CEP162: variants seen among roughly 807,000 people sequenced by gnomAD.
The protein encoded by CEP162 is centrosomal protein of 162 kDa.
In CEP162, 141 loss-of-function variants were observed where a neutral mutation model predicts 169.2. The observed-to-expected ratio is 0.83, with a 90% CI of 0.73 to 0.96. CEP162 has a LOEUF of 0.96. CEP162 is among the 40% of genes least tolerant of loss of function. CEP162 has a pLI of 0.00. For synonymous variants in CEP162, 540 were observed against 526.4 expected, an observed-to-expected ratio of 1.03 and a Z score of -0.35; for missense variants, 1,600 against 1,587.2, an observed-to-expected ratio of 1.01 and a Z score of -0.14.
intron 26 of CEP162, among the ~76,000 whole-genome samples, 183 bp downstream of exon 26, chr6:84,126,195 G>A (rs993588552): frequency 6.6e-6 from 1 of 151,904 alleles, no homozygotes; most frequent in Non-Finnish European, 1.5e-5. Flanking sequence ...CAATCTTCAA[G>A]CACTTGAGAT....
chr6:84,174,893 T>C lies in CEP162; in HGVS notation c.1859A>G (p.Gln620Arg). The C allele has an allele frequency of 1.2e-6, 2 of 1,611,776 alleles. No individual in the cohort carries two copies. The highest frequency in any genetic ancestry group is 1.7e-6 in the Non-Finnish European group (2 of 1,178,914). Residue 620 changes from glutamine to arginine, a missense_variant, in exon 15 of 27, where the codon CAG becomes CGG. Physicochemically the swap from Gln to Arg is conservative, Grantham distance 43. Coordinates refer to ENST00000403245, the MANE Select transcript of CEP162 (RefSeq NM_014895.4). ...EKKLLMFKRV[Q>R]EAEDKWRGAQ... ...ACCCCTCCATTTATCCTCTGCTTCC[T>C]GAACTCTTTTAAACATAAGTAATTT...
In CEP162 at chr6:84,152,693, G is replaced by A. The variant is rs759084178; in HGVS notation, c.3481C>T (p.Pro1161Ser). ...PGTLDSKLYQ[P>S]HTFTDSHVSE... is the part of the protein sequence containing the mutation. ...ACATGGGAATCAGTGAAAGTATGTG[G>A]TTGGTACAGCTTGCTGTCCAGGGTT... Residue 1161 changes from proline (P) to serine (S), a missense_variant, in exon 23 of 27, where the codon CCA (proline) becomes TCA (serine). Coordinates refer to ENST00000403245, the MANE Select transcript of CEP162 (RefSeq NM_014895.4). The A allele has an allele frequency of 1.9e-6, 3 of 1,612,850 alleles. No individual in the cohort carries two copies. The highest frequency in any genetic ancestry group is 2.2e-5 in the South Asian group (2 of 90,938).
At chr6:84,185,805 A>G (rs1023512951) in intron 12 of CEP162, among the ~76,000 whole-genome samples, 2 of 152,150 alleles carry the variant, frequency 1.3e-5, no homozygotes, top group Admixed American at 6.5e-5. Context: ...TTTTATTAAT[A>G]CCTTGCCTTA....
Position 84,160,798 on chromosome 6 carries a change from C to A in CEP162, c.2781+14G>T. The stretch of plus-strand genomic sequence containing the variant: ...TATAAAATATGCTCATGAAAATTTA[C>A]CCTGAACACATACTTGTCGCTCCAG... On this transcript the variant is annotated intron_variant, in intron 21 of 26. Transcript: ENST00000403245. The A allele has an allele frequency of 6.6e-7, 1 of 1,510,598 alleles. No individual in the cohort carries two copies. 93.6% of individuals were successfully genotyped at this position (1,510,598 alleles called of 1,614,324 possible).
intron 25 of CEP162, among the ~76,000 whole-genome samples, chr6:84,137,520 A>G (rs1318769895): frequency 6.6e-6 from 1 of 152,172 alleles, no homozygotes; most frequent in Non-Finnish European, 1.5e-5. Context: ...TATATCTTTT[A>G]TAAAATATGC....
chr6:84,198,179 T>C (rs1483130636), intron 9 of CEP162, among the ~76,000 whole-genome samples: 1 of 152,200 alleles, frequency 6.6e-6, no homozygotes, highest in African/African-American at 2.4e-5. Flanking sequence ...TGAAGTGGCA[T>C]GGTAAAACAA....
chr6:84,152,726 A>C lies in CEP162; in HGVS notation c.3448T>G (p.Phe1150Val), dbSNP rs754273399. ...LHSSKGNANS[F>V]PGTLDSKLYQ... ...AGCTTGCTGTCCAGGGTTCCAGGGA[A>C]GGAGTTAGCATTTCCTTTACTTGAG... Residue 1150 changes from phenylalanine (F) to valine (V), a missense_variant, in exon 23 of 27, where the codon TTC becomes GTC. Coordinates refer to ENST00000403245, the MANE Select transcript of CEP162 (RefSeq NM_014895.4). The C allele has an allele frequency of 4.3e-6, 7 of 1,613,238 alleles. No individual in the cohort carries two copies. The South Asian group carries it at 7.7e-5, about 18-fold the overall frequency.
intron 5 of CEP162, among the ~76,000 whole-genome samples, chr6:84,213,966 G>C (rs1339340960): frequency 6.6e-6 from 1 of 152,164 alleles, no homozygotes; most frequent in African/African-American, 2.4e-5. Context: ...GAGCAGGCTT[G>C]TTTCCACTTA....
rs775621962 is a variant in CEP162 at position 84,215,854 on chromosome 6, C to G, written c.241G>C (p.Glu81Gln). Reference sequence around the variant, plus strand: ...AATTGAATCTTTTCAGCAGACTCCTCTTCTATTTCCATAACAGGCTGAGAA... The same window carrying G: ...AATTGAATCTTTTCAGCAGACTCCTGTTCTATTTCCATAACAGGCTGAGAA... ...KTSQPVMEIE[E>Q]ESAEKIQFLK... The change falls in exon 4 of 27, where the codon GAG (glutamate) becomes CAG (glutamine). Residue 81 changes from glutamate to glutamine, a missense_variant. Transcript: ENST00000403245. The G allele has an allele frequency of 6.3e-7, 1 of 1,583,786 alleles. No homozygotes were observed. The highest frequency in any genetic ancestry group is 1.3e-5 in the African/African-American group (1 of 74,552).
At chr6:84,222,571 T>C (rs2099554130) in intron 2 of CEP162, among the ~76,000 whole-genome samples, 1 of 152,230 alleles carries the variant, frequency 6.6e-6, no homozygotes, top group Non-Finnish European at 1.5e-5. Context: ...TGCAGAAATT[T>C]ACTCATGGTG....
At position 84,222,791 on chromosome 6, in the gene CEP162, CA is replaced by C. The variant is rs561337889; in HGVS notation, c.58-1621del. ...GCGCGTGCACACACACACACACACA[CA>C]ATCTTCCACTTGCCAAACAAAAAAC... On this transcript the variant is annotated intron_variant, in intron 2 of 26. Transcript: ENST00000403245. Among the ~76,000 whole-genome samples the C allele has an allele frequency of 3.3e-3, 509 of 152,278 alleles. 3 individuals are homozygous for C. The highest frequency in any genetic ancestry group is 0.011 in the African/African-American group (468 of 41,556).
chr6:84,198,843 C>G (rs1201590215), intron 9 of CEP162, among the ~76,000 whole-genome samples: 1 of 152,050 alleles, frequency 6.6e-6, no homozygotes, highest in African/African-American at 2.4e-5. Context: ...TACTCATTAT[C>G]CAATGTCACA....
At chr6:84,160,205 T>C (rs895283088) in intron 21 of CEP162, among the ~76,000 whole-genome samples, 2 of 152,154 alleles carry the variant, frequency 1.3e-5, no homozygotes, top group African/African-American at 4.8e-5. Context: ...TATTACAGTG[T>C]TTTAAAAACA....
intron 10 of CEP162, among the ~76,000 whole-genome samples, chr6:84,193,909 CA>C (rs2099540962): frequency 6.6e-6 from 1 of 152,016 alleles, no homozygotes; most frequent in African/African-American, 2.4e-5. Context: ...ATATATTTAT[CA>C]AAAAATATCT....
chr6:84,179,928 G>C (rs529269575), intron 13 of CEP162, among the ~76,000 whole-genome samples: 10 of 152,144 alleles, frequency 6.6e-5, no homozygotes, highest in African/African-American at 1.2e-4. Flanking sequence ...AGAAGGAGCT[G>C]GTACCATTCC....
intron 19 of CEP162, 80 bp downstream of exon 19, chr6:84,163,064 C>T: frequency 1.5e-6 from 2 of 1,335,994 alleles, no homozygotes; most frequent in Non-Finnish European, 1.0e-6. Flanking sequence ...TTTGATTATA[C>T]CATTCAATTT....
chr6:84,212,860 A>C, intron 6 of CEP162, 97 bp downstream of exon 6: 1 of 782,396 alleles, frequency 1.3e-6, no homozygotes, highest in Non-Finnish European at 2.1e-6. Flanking sequence ...CTCTGAGACA[A>C]TATGATTTTC....
At chr6:84,131,184 C>G (rs545649443) in intron 25 of CEP162, among the ~76,000 whole-genome samples, 6 of 152,250 alleles carry the variant, frequency 3.9e-5, no homozygotes, top group African/African-American at 1.4e-4. Flanking sequence ...TTTTTTAATC[C>G]TGAGTTCCAA....
chr6:84,171,579 G>T, intron 17 of CEP162, 27 bp downstream of exon 17: 2 of 882,012 alleles, frequency 2.3e-6, no homozygotes, highest in South Asian at 4.3e-5. Flanking sequence ...AAGTATATTT[G>T]ATTTTAAGAA....
Sources: gnomAD v4.1 joint callset for allele counts (sites outside exome capture counted in the v4.1 genomes callset) on GRCh38, gnomAD v4.1.1 for gene constraint, MANE v1.5 for transcripts, NCBI Gene and HGNC (gene_info 2026-07-23, HGNC 2026-07-21) for gene names.